Variants in ERC2 observed in about 807,000 individuals in gnomAD.
ERC2 encodes the protein ERC protein 2.
In ERC2, 42 loss-of-function variants were observed where a neutral mutation model predicts 114.8. That is an observed-to-expected ratio of 0.37 (90% CI 0.29 to 0.47). ERC2 has a LOEUF of 0.47. Among genes scored for constraint, ERC2 ranks in the 20% least tolerant of loss-of-function variants. The pLI, the probability that ERC2 is intolerant of heterozygous loss-of-function variation, is 0.99. For synonymous variants in ERC2, 454 were observed against 425.5 expected (o/e 1.07, Z -0.82); for missense variants, 939 against 1,150.7 (o/e 0.82, Z 2.66).
At chr3:56,084,018 A>G (rs371554573) in intron 6 of ERC2, among the ~76,000 whole-genome samples, 6 of 152,310 alleles carry the variant, frequency 3.9e-5, no homozygotes, top group African/African-American at 1.4e-4. Flanking sequence ...TGGAAAGAAA[A>G]AAAAAGAATA....
intron 1 of ERC2, among the ~76,000 whole-genome samples, chr3:56,461,081 T>C (rs2063299088): frequency 6.6e-6 from 1 of 151,938 alleles, no homozygotes; most frequent in African/African-American, 2.4e-5. Context: ...ACAAATGTTA[T>C]TGAGCATAAA....
Position 56,111,335 on chromosome 3 carries a change from A to ATCTCTCTCTCCCTCAATC in ERC2, c.1473+28173_1473+28174insGATTGAGGGAGAGAGAGA, listed in dbSNP as rs202192789. On this transcript the variant is annotated intron_variant, in intron 6 of 17. Coordinates refer to ENST00000288221, the MANE Select transcript of ERC2 (RefSeq NM_015576.3). ...TCCCTCTTTCTCTCTCTCTCTCTCAATCTCTCTCCCTCAATCTCTCTCTCC... is the reference window on the plus strand; with the variant it reads ...TCCCTCTTTCTCTCTCTCTCTCTCAATCTCTCTCTCCCTCAATCTCTCTCTCCCTCAATCTCTCTCTCC... Among the ~76,000 whole-genome samples the ATCTCTCTCTCCCTCAATC allele has an allele frequency of 2.6e-5, 3 of 113,748 alleles. No individual in the cohort carries two copies. The East Asian group carries it at 7.8e-4, about 29-fold the overall frequency. 74.6% of individuals were successfully genotyped at this position (113,748 alleles called of 152,430 possible).
At chr3:56,321,261 T>G (rs1018947604) in intron 2 of ERC2, among the ~76,000 whole-genome samples, 2 of 152,138 alleles carry the variant, frequency 1.3e-5, no homozygotes, top group Non-Finnish European at 2.9e-5. Flanking sequence ...ATTTAAAGGA[T>G]AATATTAAAA....
At chr3:55,640,401 C>A (rs535383259) in intron 17 of ERC2, among the ~76,000 whole-genome samples, 1 of 152,320 alleles carries the variant, frequency 6.6e-6, no homozygotes, top group African/African-American at 2.4e-5. Flanking sequence ...GAAAGAGAAA[C>A]CCCACAGACA....
chr3:56,106,524 A>C (rs1270189115), intron 6 of ERC2, among the ~76,000 whole-genome samples: 1 of 152,060 alleles, frequency 6.6e-6, no homozygotes, highest in African/African-American at 2.4e-5. Flanking sequence ...GCCTTTCTGG[A>C]CTCTGGGGAC....
At chr3:56,141,897 T>C (rs1320565439) in intron 5 of ERC2, among the ~76,000 whole-genome samples, 1 of 152,222 alleles carries the variant, frequency 6.6e-6, no homozygotes, top group Admixed American at 6.5e-5. Context: ...TTTATAATTT[T>C]CCTATCCTAT....
At chr3:55,851,758 A>G (rs921417010) in intron 14 of ERC2, among the ~76,000 whole-genome samples, 1 of 150,328 alleles carries the variant, frequency 6.7e-6, no homozygotes, top group Non-Finnish European at 1.5e-5. Flanking sequence ...TGCATGAGAA[A>G]AAAAAAAAAA....
chr3:55,694,419 AT>A (rs991481320), intron 16 of ERC2, among the ~76,000 whole-genome samples: 2 of 152,224 alleles, frequency 1.3e-5, no homozygotes, highest in African/African-American at 4.8e-5. Flanking sequence ...AAAATGTGAA[AT>A]TCAACCAAAT....
chr3:55,620,147 C>T (rs944775568), intron 17 of ERC2, among the ~76,000 whole-genome samples: 2 of 152,156 alleles, frequency 1.3e-5, no homozygotes, highest in Non-Finnish European at 2.9e-5. Context: ...AGTCCCCAGG[C>T]AATGACCTGG....
intron 4 of ERC2, among the ~76,000 whole-genome samples, chr3:56,171,098 G>A (rs2082644485): frequency 6.6e-6 from 1 of 152,096 alleles, no homozygotes; most frequent in African/African-American, 2.4e-5. Flanking sequence ...TTCTATCAAG[G>A]CACTAGATGA....
intron 14 of ERC2, among the ~76,000 whole-genome samples, chr3:55,870,677 A>C (rs1025651676): frequency 6.6e-6 from 1 of 152,272 alleles, no homozygotes; most frequent in Admixed American, 6.5e-5. Flanking sequence ...CCAGGGGTCA[A>C]GCAGATACTA....
chr3:56,392,022 A>G (rs190561433), intron 2 of ERC2, among the ~76,000 whole-genome samples: 133 of 152,326 alleles, frequency 8.7e-4, no homozygotes, highest in Non-Finnish European at 1.5e-3. Flanking sequence ...ACACTATGCA[A>G]TGTATTCAAG....
At chr3:56,185,126 A>G (rs1221302576) in intron 3 of ERC2, 2 of 147,398 alleles carry the variant, frequency 1.4e-5, no homozygotes, top group African/African-American at 4.9e-5. Flanking sequence ...ACCTCAGCCT[A>G]TGCATCTCAT....
chr3:55,944,716 T>C (rs991716341), intron 13 of ERC2, among the ~76,000 whole-genome samples: 2 of 152,228 alleles, frequency 1.3e-5, no homozygotes, highest in African/African-American at 4.8e-5. Flanking sequence ...CTGAAACTGA[T>C]TGTCAAATAA....
At chr3:55,823,556 A>C (rs2060210587) in intron 14 of ERC2, among the ~76,000 whole-genome samples, 1 of 152,082 alleles carries the variant, frequency 6.6e-6, no homozygotes, top group Admixed American at 6.6e-5. Context: ...TGGTTTAGAC[A>C]TGGGCTTTGA....
At chr3:55,916,707 G>A (rs1395549139) in intron 13 of ERC2, among the ~76,000 whole-genome samples, 2 of 152,090 alleles carry the variant, frequency 1.3e-5, no homozygotes, top group East Asian at 1.9e-4. Flanking sequence ...TTCAGGAGTA[G>A]CCCTGCTGCC....
chr3:55,722,876 T>C (rs951057998), intron 15 of ERC2, among the ~76,000 whole-genome samples: 7 of 152,212 alleles, frequency 4.6e-5, no homozygotes, highest in Non-Finnish European at 2.9e-5. Context: ...TTTATTTAAA[T>C]ATTTACGAAT....
At chr3:56,397,073 C>T (rs559740128) in intron 2 of ERC2, among the ~76,000 whole-genome samples, 37 of 152,276 alleles carry the variant, frequency 2.4e-4, no homozygotes, top group African/African-American at 8.9e-4. Flanking sequence ...AGGACAATGT[C>T]TGTACACAAT....
chr3:56,136,316 C>T (rs56283068), intron 6 of ERC2, among the ~76,000 whole-genome samples: 4,641 of 152,260 alleles, frequency 0.03, 151 homozygotes, highest in African/African-American at 0.078. Context: ...CTCCCCATTA[C>T]AAAGAGAGCC....
Sources: allele counts gnomAD v4.1 joint callset (sites outside exome capture counted in the v4.1 genomes callset), GRCh38; gene constraint gnomAD v4.1.1; transcripts MANE v1.5; gene names NCBI Gene and HGNC (gene_info 2026-07-23, HGNC 2026-07-21).